GLIS3: variants seen among roughly 807,000 people sequenced by gnomAD.
The protein encoded by GLIS3 is GLIS family zinc finger 3.
GLIS3 carries 53 observed loss-of-function variants against 78.6 expected under a neutral mutation model. The observed-to-expected ratio is 0.67, with a 90% CI of 0.54 to 0.85. GLIS3 has a LOEUF of 0.85. Among genes scored for constraint, GLIS3 ranks in the 40% least tolerant of loss-of-function variants. The pLI, the probability that GLIS3 is intolerant of heterozygous loss-of-function variation, is 0.00. For synonymous variants in GLIS3, 684 were observed against 509.9 expected, an observed-to-expected ratio of 1.34 and a Z score of -4.60; for missense variants, 1,703 against 1,231.1, an observed-to-expected ratio of 1.38 and a Z score of -5.74.
rs1269960025 is a variant in GLIS3 at position 4,269,299 on chromosome 9, T to C, written c.388+16739A>G. On this transcript the variant is annotated intron_variant, in intron 2 of 10. Transcript: ENST00000381971. ...CCCTCCCTGCCCACAGATATTATAATATCATATGCACAAATCATGTGACAA... is the reference window on the plus strand; with the variant it reads ...CCCTCCCTGCCCACAGATATTATAACATCATATGCACAAATCATGTGACAA... 4.6e-5 allele frequency among the ~76,000 whole-genome samples: 7 copies of C among 152,136 alleles called. No individual in the cohort carries two copies. The East Asian group carries it at 1.3e-3, about 29-fold the overall frequency.
intron 2 of GLIS3, among the ~76,000 whole-genome samples, chr9:4,284,195 T>C (rs1462283859): frequency 6.6e-6 from 1 of 152,200 alleles, no homozygotes; most frequent in African/African-American, 2.4e-5. Flanking sequence ...TAAATAACCA[T>C]AGCATACAAC....
At chr9:4,384,436 A>T in the GLIS3 span, among the ~76,000 whole-genome samples, 1 of 151,994 alleles carries the variant, frequency 6.6e-6, no homozygotes, top group African/African-American at 2.4e-5. Context: ...AAGGACTATT[A>T]CTCATGGTTG....
At chr9:4,315,435 C>T (rs1057172187) in intron 2 of GLIS3, among the ~76,000 whole-genome samples, 1 of 152,146 alleles carries the variant, frequency 6.6e-6, no homozygotes, top group African/African-American at 2.4e-5. Context: ...TTTCTGTATG[C>T]TCTCCATTTA....
intron 2 of GLIS3, among the ~76,000 whole-genome samples, chr9:4,131,432 G>C (rs1274643520): frequency 6.6e-6 from 1 of 152,150 alleles, no homozygotes; most frequent in Non-Finnish European, 1.5e-5. Context: ...TTGGAGGTGG[G>C]GCCTGGTGGG....
the GLIS3 span, among the ~76,000 whole-genome samples, chr9:4,428,941 T>A: frequency 6.6e-6 from 1 of 152,124 alleles, no homozygotes; most frequent in Non-Finnish European, 1.5e-5. Flanking sequence ...TAAGGCTAAT[T>A]AATTTTACTT....
the GLIS3 span, among the ~76,000 whole-genome samples, chr9:4,459,802 C>G: frequency 2.0e-5 from 3 of 151,926 alleles, no homozygotes; most frequent in African/African-American, 7.3e-5. Context: ...GAGCAAGACC[C>G]TGTCTCAAAA....
rs1563938949 is a variant in GLIS3 at position 4,340,501 on chromosome 9, C to A, written n.264+6580G>T. ...ATCTTTCAGGATGCATCCTCCATCCCTGTTCTCCTTGCCCGGATGGTTCCT... is the reference window on the plus strand; with the variant it reads ...ATCTTTCAGGATGCATCCTCCATCCATGTTCTCCTTGCCCGGATGGTTCCT... On this transcript the variant is annotated intron_variant and non_coding_transcript_variant, in intron 2 of 4. Transcript: ENST00000471664. 2.0e-5 allele frequency among the ~76,000 whole-genome samples: 3 copies of A among 152,220 alleles called. No homozygotes were observed. In the East Asian group the frequency reaches 5.8e-4, roughly 29 times the overall value.
Position 4,118,210 on chromosome 9 carries a change from T to A in GLIS3, c.1268A>T (p.Gln423Leu), listed in dbSNP as rs764235955. ...VQHGLPGPDS[Q>L]SAGLFKTERL... ...TTCGGTCTTGAACAGGCCGGCCGAC[T>A]GGCTGTCGGGGCCCGGCAGGCCATG... The change falls in exon 4 of 11, where the codon CAG becomes CTG. Residue 423 changes from glutamine (Q) to leucine (L), a missense_variant. Transcript: ENST00000381971. This position sits in a 1 kb window ranked among gnomAD's most constrained non-coding sequence, Gnocchi z 4.7. 1.9e-6 allele frequency: 3 copies of A among 1,585,178 alleles called. No homozygotes were observed. The highest frequency in any genetic ancestry group is 8.6e-7 in the Non-Finnish European group (1 of 1,165,626).
chr9:4,066,661 C>T (rs1827124065), intron 4 of GLIS3, among the ~76,000 whole-genome samples: 1 of 152,236 alleles, frequency 6.6e-6, no homozygotes, highest in Admixed American at 6.5e-5. Context: ...TTGTCCTGCT[C>T]TGCCGTACTA....
At chr9:4,223,786 T>C (rs1230680656) in intron 2 of GLIS3, among the ~76,000 whole-genome samples, 1 of 152,210 alleles carries the variant, frequency 6.6e-6, no homozygotes, top group Non-Finnish European at 1.5e-5. Context: ...TTCTACATTT[T>C]CTGGTTTTGA....
At chr9:4,284,030 C>T (rs1224393201) in intron 2 of GLIS3, among the ~76,000 whole-genome samples, 3 of 152,192 alleles carry the variant, frequency 2.0e-5, no homozygotes, top group Admixed American at 1.3e-4. Flanking sequence ...GGTGTATCAA[C>T]CCTGAGAATT....
intron 6 of GLIS3, 96 bp downstream of exon 6, chr9:3,932,264 A>G: frequency 1.1e-6 from 1 of 889,752 alleles, no homozygotes; most frequent in Non-Finnish European, 1.9e-6. Context: ...TACCATGAGA[A>G]GTATAAGAAT....
intron 8 of GLIS3, among the ~76,000 whole-genome samples, chr9:3,871,670 C>T (rs1002971643): frequency 6.6e-6 from 1 of 152,174 alleles, no homozygotes; most frequent in African/African-American, 2.4e-5. Flanking sequence ...CGCAGGGCAC[C>T]AAGTCCCTAG....
chr9:4,137,371 C>T (rs1328264653), intron 2 of GLIS3, among the ~76,000 whole-genome samples: 1 of 152,190 alleles, frequency 6.6e-6, no homozygotes, highest in East Asian at 1.9e-4. Flanking sequence ...ACTTTCATAC[C>T]AACATTCTTC....
chr9:4,418,282 G>A, the GLIS3 span, among the ~76,000 whole-genome samples: 1 of 152,184 alleles, frequency 6.6e-6, no homozygotes, highest in Admixed American at 6.5e-5. Context: ...AAAAGAGACT[G>A]GGCTTTAACT....
chr9:4,420,099 G>C, the GLIS3 span, among the ~76,000 whole-genome samples: 1 of 152,172 alleles, frequency 6.6e-6, no homozygotes, highest in Non-Finnish European at 1.5e-5. Flanking sequence ...CTCACTCCTG[G>C]AGAGGGGTCC....
intron 2 of GLIS3, among the ~76,000 whole-genome samples, chr9:4,132,837 T>C (rs975635350): frequency 1.4e-4 from 22 of 152,188 alleles, no homozygotes; most frequent in African/African-American, 5.3e-4. Context: ...GAAATATACA[T>C]ATTAGGGTTT....
In GLIS3 at chr9:4,205,175, CAAAAAAAAA is replaced by C. The variant is rs200420029; in HGVS notation, c.389-79243_389-79235del. Among the ~76,000 whole-genome samples, 6 of 124,770 alleles carry C rather than the reference CAAAAAAAAA, an allele frequency of 4.8e-5. No homozygotes were observed. The East Asian group carries it at 9.2e-4, about 19-fold the overall frequency. The allele number at this position is 124,770 out of a possible 152,430, so 81.9% of individuals were successfully genotyped here. On this transcript the variant is annotated intron_variant, in intron 2 of 10. Coordinates refer to ENST00000381971, the MANE Select transcript of GLIS3 (RefSeq NM_001042413.2). ...CCTGGGTGACAGAACGAGACTCTGTCAAAAAAAAAAAAAAAAAAGGAATCAGTTATGACT... is the reference window on the plus strand; with the variant it reads ...CCTGGGTGACAGAACGAGACTCTGTCAAAAAAAAAGGAATCAGTTATGACT...
the GLIS3 span, among the ~76,000 whole-genome samples, chr9:4,419,194 A>G: frequency 6.6e-6 from 1 of 152,218 alleles, no homozygotes; most frequent in African/African-American, 2.4e-5. Context: ...CCTTCTGATT[A>G]CATCAGGGAG....
Sources: allele counts gnomAD v4.1 joint callset (sites outside exome capture counted in the v4.1 genomes callset), GRCh38; gene constraint gnomAD v4.1.1; non-coding constraint Gnocchi (gnomAD v3.1); transcripts MANE v1.5; gene names NCBI Gene and HGNC (gene_info 2026-07-23, HGNC 2026-07-21).